PARD3: variants seen among roughly 807,000 people sequenced by gnomAD.
PARD3 encodes the protein partitioning defective 3 homolog.
In PARD3, 75 loss-of-function variants were observed where a neutral mutation model predicts 155.4. The ratio of observed to expected loss-of-function variants is 0.48; its 90% confidence interval spans 0.40 to 0.58. The LOEUF (loss-of-function observed/expected upper bound fraction) is 0.58, where lower values mean the gene tolerates loss of function less well. Ranked by LOEUF, PARD3 falls within the 20% of genes least tolerant of loss-of-function variation. The pLI, the probability that PARD3 is intolerant of heterozygous loss-of-function variation, is 0.00. For missense variants in PARD3, 1,642 were observed against 1,721.7 expected (o/e 0.95, Z 0.82); for synonymous variants, 576 against 610.5 (o/e 0.94, Z 0.83).
intron 3 of PARD3, among the ~76,000 whole-genome samples, chr10:34,471,717 A>T (rs2078357604): frequency 6.6e-6 from 1 of 152,060 alleles, no homozygotes; most frequent in African/African-American, 2.4e-5. Flanking sequence ...CACCACCATG[A>T]TAAGCTAGTT....
rs550716159 is a variant in PARD3, at chr10:34,145,432, C to T, written c.3420-13849G>A. Among the ~76,000 whole-genome samples, 67 of 151,202 alleles carry T rather than the reference C, an allele frequency of 4.4e-4. 1 individual carries two copies. The highest frequency in any genetic ancestry group is 3.4e-3 in the Middle Eastern group (1 of 292). On this transcript the variant is annotated intron_variant, in intron 22 of 24. Coordinates refer to ENST00000374788, the MANE Select transcript of PARD3 (RefSeq NM_001184785.2). ...GTTCTCTCTTTCTAGAAATTGTTTT[C>T]TTTAAATATTGGACCTCCCAGAATG...
chr10:34,198,389 G>A (rs562784517), intron 22 of PARD3, among the ~76,000 whole-genome samples: 1 of 151,938 alleles, frequency 6.6e-6, no homozygotes, highest in African/African-American at 2.4e-5. Flanking sequence ...GTTCCAACCT[G>A]GGTACCAATT....
At position 34,640,785 on chromosome 10, in the gene PARD3, C is replaced by T. The variant is rs1369924946; in HGVS notation, c.222+55533G>A. ...ACAACACCTATCCAAACTTTAAATG[C>T]ACACTCCCTTTTACCCAGCAATGCC... is the stretch of plus-strand genomic sequence containing the variant. On this transcript the variant is annotated intron_variant, in intron 2 of 24. Coordinates refer to ENST00000374788, the MANE Select transcript of PARD3 (RefSeq NM_001184785.2). Among the ~76,000 whole-genome samples the T allele has an allele frequency of 5.6e-5, 8 of 141,952 alleles. No individual in the cohort carries two copies. In the East Asian group the frequency reaches 1.7e-3, roughly 31 times the overall value. The allele number at this position is 141,952 out of a possible 152,430, so 93.1% of individuals were successfully genotyped here. A position where few individuals can be genotyped will look rare whatever the true frequency, so the allele number is the denominator to read the frequency against.
chr10:34,269,729 T>C lies in PARD3; in HGVS notation c.3347A>G (p.Glu1116Gly). 1.9e-6 allele frequency: 3 copies of C among 1,614,004 alleles called. No homozygotes were observed. The highest frequency in any genetic ancestry group is 1.6e-4 in the Middle Eastern group (1 of 6,062). The change falls in exon 22 of 25, where the codon GAA (glutamate) becomes GGA (glycine). Residue 1116 changes from glutamate to glycine, a missense_variant. By Grantham distance (98) the Glu-to-Gly change is moderately conservative. Transcript: ENST00000374788. ...ALNARPQSPR[E>G]GHMMDALYAQ... ...ATACAAAGCATCCATCATATGCCCT[T>C]CTCGTGGGCTCTGAGGTCTAGCGTT...
intron 1 of PARD3, among the ~76,000 whole-genome samples, chr10:34,763,734 C>T (rs535916784): frequency 6.6e-5 from 10 of 152,270 alleles, no homozygotes; most frequent in Non-Finnish European, 1.2e-4. Context: ...TCAGGAGAGA[C>T]GGCATGTGGG....
chr10:34,420,094 G>T (rs1175289569), intron 5 of PARD3, among the ~76,000 whole-genome samples: 4 of 152,210 alleles, frequency 2.6e-5, no homozygotes, highest in African/African-American at 9.7e-5. Flanking sequence ...TAGTACTACA[G>T]ATGCATGCCA....
At chr10:34,596,554 C>G (rs983916639) in intron 2 of PARD3, among the ~76,000 whole-genome samples, 1 of 152,182 alleles carries the variant, frequency 6.6e-6, no homozygotes, top group South Asian at 2.1e-4. Context: ...AGAACTCACA[C>G]ACTATCACAA....
Position 34,110,491 on chromosome 10 carries a change from G to T in PARD3, c.*678C>A, listed in dbSNP as rs925091312. ...GTGTCAGGAACAGGACCGAACAAGC[G>T]TATGTATAAACGCAGACCAGGATCA... On this transcript the variant is annotated 3_prime_UTR_variant, in exon 25 of 25. Transcript: ENST00000374788. 1 of 152,154 alleles carries T rather than the reference G, an allele frequency of 6.6e-6. No individual in the cohort carries two copies. The highest frequency in any genetic ancestry group is 1.5e-5 in the Non-Finnish European group (1 of 68,058). 9.4% of individuals were successfully genotyped at this position (152,154 alleles called of 1,614,324 possible).
intron 20 of PARD3, among the ~76,000 whole-genome samples, chr10:34,303,222 T>C (rs7098839): frequency 1.0e-3 from 156 of 149,592 alleles, no homozygotes; most frequent in African/African-American, 3.8e-3. Flanking sequence ...GTGTTCTGCC[T>C]AAGTGATTAT....
chr10:34,364,631 G>C (rs1839792197), intron 12 of PARD3, among the ~76,000 whole-genome samples: 1 of 152,018 alleles, frequency 6.6e-6, no homozygotes, highest in Non-Finnish European at 1.5e-5. Flanking sequence ...ACAGGGTCTT[G>C]ATATGTTGCC....
In PARD3 at chr10:34,118,032, A is replaced by G. The variant is rs79158543; in HGVS notation, c.3668+1581T>C. Among the ~76,000 whole-genome samples, 1,195 of 152,146 alleles carry G rather than the reference A, an allele frequency of 7.9e-3. 15 individuals are homozygous for G. Among genetic ancestry groups the G allele is most frequent in the African/African-American group, 0.027 (1,132 of 41,516 alleles). ...CTTGCTAGCTGTGTGAGCTGGGGGA[A>G]ATTTACTTACTCTGAGCTGTTTCCT... On this transcript the variant is annotated intron_variant, in intron 24 of 24. Coordinates refer to ENST00000374788, the MANE Select transcript of PARD3 (RefSeq NM_001184785.2).
At chr10:34,375,116 C>T (rs1295707056) in intron 10 of PARD3, 114 bp from the exon 11 acceptor site, 5 of 770,590 alleles carry the variant, frequency 6.5e-6, no homozygotes, top group Non-Finnish European at 1.0e-5. Flanking sequence ...GCCATATCTG[C>T]TATGGAACAT....
chr10:34,208,818 C>A (rs1309658679), intron 22 of PARD3, among the ~76,000 whole-genome samples: 1 of 152,078 alleles, frequency 6.6e-6, no homozygotes, highest in Admixed American at 6.5e-5. Flanking sequence ...TCCTTTCAGA[C>A]ATTTAACAAT....
At chr10:34,411,575 G>A (rs534031618) in intron 5 of PARD3, among the ~76,000 whole-genome samples, 2 of 152,098 alleles carry the variant, frequency 1.3e-5, no homozygotes, top group African/African-American at 4.8e-5. Flanking sequence ...TGGGGGACTA[G>A]AGCTGCAGGC....
intron 23 of PARD3, among the ~76,000 whole-genome samples, chr10:34,127,383 C>T (rs181345529): frequency 2.0e-5 from 3 of 152,290 alleles, no homozygotes; most frequent in Admixed American, 6.5e-5. Context: ...TTTCTGACCA[C>T]CGCACACTGA....
At chr10:34,180,697 T>G (rs1452701748) in intron 22 of PARD3, among the ~76,000 whole-genome samples, 1 of 152,202 alleles carries the variant, frequency 6.6e-6, no homozygotes, top group Non-Finnish European at 1.5e-5. Context: ...AATTGGCTTT[T>G]CTACTAATTT....
intron 3 of PARD3, among the ~76,000 whole-genome samples, chr10:34,473,529 AT>A (rs1243056495): frequency 2.3e-4 from 24 of 104,722 alleles, no homozygotes; most frequent in African/African-American, 1.7e-3. Flanking sequence ...TCTACAAAAA[AT>A]AAAAAAAAAA....
chr10:34,221,860 T>C (rs926369230), intron 22 of PARD3, among the ~76,000 whole-genome samples: 5 of 152,220 alleles, frequency 3.3e-5, no homozygotes, highest in South Asian at 4.1e-4. Context: ...GACAATGCAA[T>C]ACACATGCAT....
At chr10:34,271,189 A>G (rs1035799424) in intron 21 of PARD3, among the ~76,000 whole-genome samples, 2 of 152,178 alleles carry the variant, frequency 1.3e-5, no homozygotes, top group Non-Finnish European at 2.9e-5. Context: ...CATATATTCA[A>G]AAGAATTCAG....
Sources: allele counts gnomAD v4.1 joint callset (sites outside exome capture counted in the v4.1 genomes callset), GRCh38; gene constraint gnomAD v4.1.1; transcripts MANE v1.5; gene names NCBI Gene and HGNC (gene_info 2026-07-23, HGNC 2026-07-21).